VIPR1: variants seen among roughly 807,000 people sequenced by gnomAD.
VIPR1 encodes the protein vasoactive intestinal polypeptide receptor 1.
Under a neutral mutation model 58.8 loss-of-function variants are expected in VIPR1, and 59 were observed. The observed-to-expected ratio is 1.00, with a 90% CI of 0.81 to 1.25. The LOEUF is 1.25. Among genes scored for constraint, VIPR1 ranks in the 50% most tolerant of loss-of-function variants. The pLI is 0.00. For missense variants in VIPR1, 626 were observed against 602.7 expected (o/e 1.04, Z -0.40); for synonymous variants, 251 against 242.1 (o/e 1.04, Z -0.34).
At chr3:42,508,933 G>A (rs144256864) in intron 1 of VIPR1, 1 of 152,226 alleles carries the variant, frequency 6.6e-6, no homozygotes, top group East Asian at 1.9e-4. Context: ...TTTCAGCAGG[G>A]GGCTGGCAGA....
intron 12 of VIPR1, 90 bp downstream of exon 12, chr3:42,535,474 C>G: frequency 7.2e-7 from 1 of 1,392,792 alleles, no homozygotes; most frequent in South Asian, 1.2e-5. Flanking sequence ...AGAGCAAGGA[C>G]GGGTTAAACC....
intron 2 of VIPR1, 148 bp downstream of exon 2, chr3:42,514,002 G>A (rs1700493755): frequency 1.1e-6 from 1 of 872,952 alleles, no homozygotes; most frequent in South Asian, 1.8e-5. Context: ...AGAAGAAAGG[G>A]GCTAACAGGC....
intron 1 of VIPR1, among the ~76,000 whole-genome samples, chr3:42,510,491 C>T (rs976962976): frequency 6.6e-6 from 1 of 152,110 alleles, no homozygotes; most frequent in Non-Finnish European, 1.5e-5. Context: ...GCCTGAATTC[C>T]TTAGTGATAA....
Position 42,502,761 on chromosome 3 carries a change from C to A in VIPR1, c.26C>A (p.Ala9Asp). 7.7e-7 allele frequency: 1 copy of A among 1,305,684 alleles called. No homozygotes were observed. Among genetic ancestry groups the A allele is most frequent in the Non-Finnish European group, 9.7e-7 (1 of 1,030,288 alleles). 80.9% of individuals were successfully genotyped at this position (1,305,684 alleles called of 1,614,324 possible). ...ATGCGCCCGCCAAGTCCGCTGCCCGCCCGCTGGCTATGCGTGCTGGCAGGC... is the reference window on the plus strand; with the variant it reads ...ATGCGCCCGCCAAGTCCGCTGCCCGACCGCTGGCTATGCGTGCTGGCAGGC... MRPPSPLP[A>D]RWLCVLAGAL... Residue 9 changes from alanine (A) to aspartate (D), a missense_variant, in exon 1 of 13, where the codon GCC becomes GAC. By Grantham distance (126) the Ala-to-Asp change is moderately radical (BLOSUM62 -2). Transcript: ENST00000325123.
chr3:42,489,522 A>ATC (rs1699629918), exon 1 of VIPR1: 1 of 152,208 alleles, frequency 6.6e-6, no homozygotes, highest in African/African-American at 2.4e-5. Flanking sequence ...GCTTCCCCCC[A>ATC]ATCAGAAGGG....
Position 42,513,753 on chromosome 3 carries a change from G to A in VIPR1, c.83G>A (p.Gly28Asp). The A allele has an allele frequency of 6.4e-7, 1 of 1,551,334 alleles. No individual in the cohort carries two copies. Among genetic ancestry groups the A allele is most frequent in the Non-Finnish European group, 8.7e-7 (1 of 1,146,832 alleles). Residue 28 changes from glycine to aspartate, a missense_variant, in exon 2 of 13, where the codon GGC (glycine) becomes GAC (aspartate). Transcript: ENST00000325123. ...CCTCCCTGTCTTTGTTCTCAGGGCG[G>A]CCAGGCGGCCAGGCTGCAGGAGGAG... ...ALAWALGPAG[G>D]QAARLQEECD...
rs367902641 is a variant in VIPR1, at chr3:42,518,731, CA to C, written c.185-486del. Among the ~76,000 whole-genome samples the C allele has an allele frequency of 1.8e-3, 193 of 108,014 alleles. 2 individuals carry two copies. Among genetic ancestry groups the C allele is most frequent in the African/African-American group, 0.011 (185 of 16,742 alleles). The allele number at this position is 108,014 out of a possible 152,430, so 70.9% of individuals were successfully genotyped here. ...TGGGTGACAGAGTGAGACTCCATCT[CA>C]AAAAATAAGTAAGTAAATGGCGTGT... On this transcript the variant is annotated intron_variant, in intron 2 of 12. Coordinates refer to ENST00000325123, the MANE Select transcript of VIPR1 (RefSeq NM_004624.4).
chr3:42,503,953 TC>T (rs1414015475), intron 1 of VIPR1, among the ~76,000 whole-genome samples: 1 of 152,150 alleles, frequency 6.6e-6, no homozygotes, highest in Non-Finnish European at 1.5e-5. Context: ...TCTCTGTGTT[TC>T]CATCTAGCGG....
At chr3:42,504,940 C>G (rs1193979180) in intron 1 of VIPR1, among the ~76,000 whole-genome samples, 1 of 150,916 alleles carries the variant, frequency 6.6e-6, no homozygotes, top group Non-Finnish European at 1.5e-5. Context: ...AAGAAAACCT[C>G]CAGTGTCTCA....
In VIPR1 at chr3:42,527,366, A is replaced by G. The variant is rs1424118101; in HGVS notation, c.400-27A>G. On this transcript the variant is annotated intron_variant, in intron 4 of 12. Coordinates refer to ENST00000325123, the MANE Select transcript of VIPR1 (RefSeq NM_004624.4). ...AGATGAGCCTCCCACCCCACCACCCAAGAGCCTCTCCCTGTCCCTCCAACA... is the reference window on the plus strand; with the variant it reads ...AGATGAGCCTCCCACCCCACCACCCGAGAGCCTCTCCCTGTCCCTCCAACA... 2.6e-6 allele frequency: 4 copies of G among 1,546,310 alleles called. No homozygotes were observed. In the South Asian group the frequency reaches 4.5e-5, roughly 18 times the overall value.
At chr3:42,517,265 C>T (rs967661950) in intron 2 of VIPR1, among the ~76,000 whole-genome samples, 7 of 152,260 alleles carry the variant, frequency 4.6e-5, no homozygotes, top group Admixed American at 2.0e-4. Flanking sequence ...CCCTCCACCT[C>T]CTCTTCCCAG....
intron 3 of VIPR1, among the ~76,000 whole-genome samples, chr3:42,520,837 G>C (rs535107155): frequency 2.6e-5 from 4 of 152,188 alleles, no homozygotes; most frequent in African/African-American, 9.6e-5. Flanking sequence ...CTGCTGTTGT[G>C]ACCTCAGTAG....
rs893284159 is a variant in VIPR1 at position 42,502,760 on chromosome 3, G to T, written c.25G>T (p.Ala9Ser). The T allele has an allele frequency of 2.3e-6, 3 of 1,304,392 alleles. No homozygotes were observed. Among genetic ancestry groups the T allele is most frequent in the Non-Finnish European group, 2.9e-6 (3 of 1,029,548 alleles). The allele number at this position is 1,304,392 out of a possible 1,614,324, so 80.8% of individuals were successfully genotyped here. The change falls in exon 1 of 13, where the codon GCC (alanine) becomes TCC (serine). Residue 9 changes from alanine (A) to serine (S), a missense_variant. Transcript: ENST00000325123. ...CATGCGCCCGCCAAGTCCGCTGCCCGCCCGCTGGCTATGCGTGCTGGCAGG... is the reference window on the plus strand; with the variant it reads ...CATGCGCCCGCCAAGTCCGCTGCCCTCCCGCTGGCTATGCGTGCTGGCAGG... The part of the protein sequence containing the change: MRPPSPLP[A>S]RWLCVLAGAL...
chr3:42,531,501 C>A lies in VIPR1; in HGVS notation c.821C>A (p.Thr274Asn). 1 of 1,593,400 alleles carries A rather than the reference C, an allele frequency of 6.3e-7. No individual in the cohort carries two copies. Among genetic ancestry groups the A allele is most frequent in the Non-Finnish European group, 8.6e-7 (1 of 1,169,096 alleles). ...CCCAGCACATTCACCATGGTGTGGACCATCGCCAGGATCCATTTTGAGGAT... is the reference window on the plus strand; with the variant it reads ...CCCAGCACATTCACCATGGTGTGGAACATCGCCAGGATCCATTTTGAGGAT... ...GVPSTFTMVW[T>N]IARIHFEDYG... The change falls in exon 8 of 13, where the codon ACC becomes AAC. Residue 274 changes from threonine (T) to asparagine (N), a missense_variant. Thr to Asn is a moderately conservative substitution (Grantham distance 65). Transcript: ENST00000325123.
Position 42,536,965 on chromosome 3 carries a change from C to T in VIPR1, c.*684C>T, listed in dbSNP as rs1701892730. The T allele has an allele frequency of 6.6e-6, 1 of 152,202 alleles. No individual in the cohort carries two copies. The highest frequency in any genetic ancestry group is 6.5e-5 in the Admixed American group (1 of 15,282). The allele number at this position is 152,202 out of a possible 1,614,324, so 9.4% of individuals were successfully genotyped here. On this transcript the variant is annotated 3_prime_UTR_variant, in exon 13 of 13. Coordinates refer to ENST00000325123, the MANE Select transcript of VIPR1 (RefSeq NM_004624.4). The stretch of plus-strand genomic sequence containing the variant: ...ACGGTGCAACCCAAGGACTGAGGGA[C>T]TCTGAAGCCTCTGGGAAATGAGAAG...
upstream of VIPR1, chr3:42,500,320 CCCCACCCTG>C (rs1699842496): frequency 6.6e-6 from 1 of 152,130 alleles, no homozygotes; most frequent in Non-Finnish European, 1.5e-5. Flanking sequence ...CTCCCTCCCT[CCCCACCCTG>C]CCCACCAGCC....
rs950238222 is a variant in VIPR1, at chr3:42,536,563, T to C, written c.*282T>C. The C allele has an allele frequency of 2.7e-6, 1 of 368,152 alleles. No individual in the cohort carries two copies. Among genetic ancestry groups the C allele is most frequent in the African/African-American group, 2.1e-5 (1 of 47,224 alleles). The allele number at this position is 368,152 out of a possible 1,614,324, so 22.8% of individuals were successfully genotyped here. On this transcript the variant is annotated 3_prime_UTR_variant, in exon 13 of 13. Coordinates refer to ENST00000325123, the MANE Select transcript of VIPR1 (RefSeq NM_004624.4). Reference sequence around the variant, plus strand: ...CTCCTCCAAAGGCCCCCTACGCCAATCAAGGGCAAAAAGTCTACATACTTT... The same window carrying C: ...CTCCTCCAAAGGCCCCCTACGCCAACCAAGGGCAAAAAGTCTACATACTTT...
chr3:42,491,649 A>G (rs949460340), intron 1 of VIPR1, among the ~76,000 whole-genome samples: 1 of 152,168 alleles, frequency 6.6e-6, no homozygotes, highest in African/African-American at 2.4e-5. Context: ...ATCTCAGCTC[A>G]CTGAAACCTC....
At chr3:42,528,301 C>A in intron 6 of VIPR1, 178 bp downstream of exon 6, 1 of 822,518 alleles carries the variant, frequency 1.2e-6, no homozygotes, top group South Asian at 1.9e-5. Flanking sequence ...TCAAATCACA[C>A]TCCCCTCCGG....
Sources: allele counts gnomAD v4.1 joint callset (sites outside exome capture counted in the v4.1 genomes callset), GRCh38; gene constraint gnomAD v4.1.1; transcripts MANE v1.5; gene names NCBI Gene and HGNC (gene_info 2026-07-23, HGNC 2026-07-21).